GRK4: variants seen among roughly 807,000 people sequenced by gnomAD.
GRK4 encodes the protein G protein-coupled receptor kinase 4.
GRK4 carries 73 observed loss-of-function variants against 77.9 expected under a neutral mutation model. The ratio of observed to expected loss-of-function variants is 0.94; its 90% CI spans 0.78 to 1.14. The LOEUF (loss-of-function observed/expected upper bound fraction) is 1.14, where lower values mean the gene tolerates loss of function less well. Among genes scored for constraint, GRK4 ranks in the 50% most tolerant of loss-of-function variants. The pLI is 0.00. For missense variants in GRK4, 729 were observed against 700.2 expected, an observed-to-expected ratio of 1.04 and a Z score of -0.46; for synonymous variants, 257 against 254.4, an observed-to-expected ratio of 1.01 and a Z score of -0.10.
Position 2,963,716 on chromosome 4 carries a change from G to C in GRK4, c.-355G>C, listed in dbSNP as rs1044988632. ...AAGTGAGCCACGGCATTGACTCGGGGCTGCCCGGGGGCAGGGCACTGAGGA... is the reference window on the plus strand; with the variant it reads ...AAGTGAGCCACGGCATTGACTCGGGCCTGCCCGGGGGCAGGGCACTGAGGA... On this transcript the variant is annotated 5_prime_UTR_variant, in exon 1 of 16. Coordinates refer to ENST00000398052, the MANE Select transcript of GRK4 (RefSeq NM_182982.3). The C allele has an allele frequency of 2.5e-6, 1 of 399,984 alleles. No individual in the cohort carries two copies. The highest frequency in any genetic ancestry group is 2.1e-5 in the African/African-American group (1 of 46,856). The allele number at this position is 399,984 out of a possible 1,614,324, so 24.8% of individuals were successfully genotyped here. A position where few individuals can be genotyped will look rare whatever the true frequency, so the allele number is the denominator to read the frequency against.
At chr4:2,999,167 C>T (rs1328289783) in intron 4 of GRK4, among the ~76,000 whole-genome samples, 8 of 152,134 alleles carry the variant, frequency 5.3e-5, no homozygotes, top group African/African-American at 1.9e-4. Context: ...AGCCGGAAGT[C>T]CAAGGTCAAG....
intron 1 of GRK4, chr4:2,971,023 T>G (rs1365160770): frequency 6.6e-6 from 1 of 152,144 alleles, no homozygotes; most frequent in Non-Finnish European, 1.5e-5. Flanking sequence ...ATAGTTACCT[T>G]AAAGAAAAAT....
At chr4:3,008,976 A>C (rs1732102749) in intron 6 of GRK4, among the ~76,000 whole-genome samples, 1 of 152,068 alleles carries the variant, frequency 6.6e-6, no homozygotes, top group African/African-American at 2.4e-5. Flanking sequence ...CATCTTCTTC[A>C]CCTGCTTTCT....
chr4:3,035,661 T>C (rs1459619751), intron 13 of GRK4, 138 bp downstream of exon 13: 10 of 935,862 alleles, frequency 1.1e-5, no homozygotes, highest in Non-Finnish European at 1.6e-5. Flanking sequence ...TGGCCTCAAG[T>C]GGTCCTCCAC....
rs1387512280 is a variant in GRK4, at chr4:3,007,737, G to A, written c.445G>A (p.Val149Ile). The A allele has an allele frequency of 6.4e-7, 1 of 1,572,244 alleles. No homozygotes were observed. The highest frequency in any genetic ancestry group is 1.4e-5 in the African/African-American group (1 of 72,776). Residue 149 changes from valine to isoleucine, a missense_variant and splice_region_variant, in exon 6 of 16, where the codon GTT (valine) becomes ATT (isoleucine). Physicochemically the swap from Val to Ile is conservative, Grantham distance 29 (BLOSUM62 3). Transcript: ENST00000398052. Reference protein sequence around the residue: ...SKKAFEECTRVAHNYLRGEPF... With the variant: ...SKKAFEECTRIAHNYLRGEPF... Reference sequence around the variant, plus strand: ...TAATTTTAAAAAATCTTTTTCTAGAGTTGCCCATAACTACCTAAGAGGGGA... The same window carrying A: ...TAATTTTAAAAAATCTTTTTCTAGAATTGCCCATAACTACCTAAGAGGGGA...
chr4:3,040,536 C>T (rs780538199), intron 15 of GRK4, 36 bp from the exon 16 acceptor site: 29 of 1,585,832 alleles, frequency 1.8e-5, no homozygotes, highest in Non-Finnish European at 2.4e-5. Context: ...ACCTTCGCAT[C>T]AGCCGTGTGC....
At chr4:2,975,240 T>C (rs1173084361) in intron 1 of GRK4, among the ~76,000 whole-genome samples, 2 of 152,032 alleles carry the variant, frequency 1.3e-5, no homozygotes, top group African/African-American at 4.8e-5. Context: ...GAGGTGGAGA[T>C]TGCAGTGAGC....
chr4:2,968,683 G>C (rs954035440), intron 1 of GRK4, among the ~76,000 whole-genome samples: 2 of 152,132 alleles, frequency 1.3e-5, no homozygotes, highest in East Asian at 3.8e-4. Context: ...TAAGACGTGT[G>C]GCATATTAGC....
rs1365554644 is a variant in GRK4 at position 3,037,510 on chromosome 4, A to G, written c.1544A>G (p.Glu515Gly). The G allele has an allele frequency of 6.2e-7, 1 of 1,601,472 alleles. No homozygotes were observed. The highest frequency in any genetic ancestry group is 8.5e-7 in the Non-Finnish European group (1 of 1,169,968). ...TGCVSIPWQN[E>G]MIESGCFKDI... Reference sequence around the variant, plus strand: ...TGTGTCTCCATCCCCTGGCAGAATGAGGTACTGCCCTTCCAGCACAGCCGC... The same window carrying G: ...TGTGTCTCCATCCCCTGGCAGAATGGGGTACTGCCCTTCCAGCACAGCCGC... The change falls in exon 14 of 16, where the codon GAG becomes GGG. Residue 515 changes from glutamate (E) to glycine (G), a missense_variant and splice_region_variant. Glu to Gly is a moderately conservative substitution (Grantham distance 98). Coordinates refer to ENST00000398052, the MANE Select transcript of GRK4 (RefSeq NM_182982.3).
chr4:3,037,583 CCG>C lies in GRK4; in HGVS notation c.1545+73_1545+74del, dbSNP rs772312646. ...CCCAGGGAAAAGGGTGTGTGTGTGT[CCG>C]TGTGTGTGTGTGTGTCTGTGTGTAT... is the stretch of plus-strand genomic sequence containing the variant. On this transcript the variant is annotated intron_variant, in intron 14 of 15. Transcript: ENST00000398052. The C allele has an allele frequency of 8.6e-3, 10,996 of 1,277,944 alleles. 1 individual carries two copies. Among genetic ancestry groups the C allele is most frequent in the South Asian group, 0.021 (1,311 of 63,454 alleles). 79.2% of individuals were successfully genotyped at this position (1,277,944 alleles called of 1,614,324 possible).
chr4:2,973,586 T>G (rs1720218402), intron 1 of GRK4, among the ~76,000 whole-genome samples: 1 of 152,186 alleles, frequency 6.6e-6, no homozygotes, highest in Non-Finnish European at 1.5e-5. Context: ...GCACTTGACT[T>G]ACTCGCACCC....
At chr4:3,007,648 TA>T in intron 5 of GRK4, 87 bp from the exon 6 acceptor site, 1 of 699,854 alleles carries the variant, frequency 1.4e-6, no homozygotes, top group East Asian at 3.0e-5. Context: ...GGCTTTCCCA[TA>T]TTCAGTGCCT....
chr4:3,037,357 CT>C lies in GRK4; in HGVS notation c.1408-16del. 3 of 1,569,142 alleles carry C rather than the reference CT, an allele frequency of 1.9e-6. No individual in the cohort carries two copies. Among genetic ancestry groups the C allele is most frequent in the Non-Finnish European group, 2.6e-6 (3 of 1,145,434 alleles). ...GCTGTAGTCATCTCAGAGGCTGCCC[CT>C]GTTCTTGCTACACAGCCTCATGCCG... is the stretch of plus-strand genomic sequence containing the variant. On this transcript the variant is annotated splice_polypyrimidine_tract_variant and intron_variant, in intron 13 of 15. Transcript: ENST00000398052.
At chr4:2,982,723 A>G (rs1335731271) in intron 1 of GRK4, among the ~76,000 whole-genome samples, 1 of 152,220 alleles carries the variant, frequency 6.6e-6, no homozygotes, top group Non-Finnish European at 1.5e-5. Flanking sequence ...CCTGAAAAAA[A>G]TAACCCATAA....
intron 14 of GRK4, among the ~76,000 whole-genome samples, chr4:3,037,744 G>A (rs1741189903): frequency 6.6e-6 from 1 of 151,952 alleles, no homozygotes; most frequent in Non-Finnish European, 1.5e-5. Flanking sequence ...GTGAAACCCT[G>A]TCTCTACTAA....
At chr4:2,997,015 T>C (rs1456937325) in intron 4 of GRK4, among the ~76,000 whole-genome samples, 1 of 151,838 alleles carries the variant, frequency 6.6e-6, no homozygotes, top group Non-Finnish European at 1.5e-5. Flanking sequence ...ATGCCAGGAG[T>C]TGAAAAAAGA....
intron 1 of GRK4, among the ~76,000 whole-genome samples, chr4:2,979,403 CAAAAAAAAAAA>C (rs144374548): frequency 1.7e-5 from 1 of 59,194 alleles, no homozygotes; most frequent in Non-Finnish European, 3.1e-5. Flanking sequence ...GACTCTGTCT[CAAAAAAAAAAA>C]AAAAAAAAAA....
chr4:3,000,544 TTTTTCTTTTC>T (rs755931695), intron 4 of GRK4, among the ~76,000 whole-genome samples: 1,431 of 130,444 alleles, frequency 0.011, 17 homozygotes, highest in South Asian at 0.012. Context: ...TTTTCTTTCT[TTTTTCTTTTC>T]TTTTCTTTTC....
At chr4:2,965,287 A>C (rs1414689114) in intron 1 of GRK4, 1 of 702,880 alleles carries the variant, frequency 1.4e-6, no homozygotes, top group East Asian at 2.7e-5. Context: ...CCAGCCCTTC[A>C]GCGGGAGACC....
Sources: allele counts gnomAD v4.1 joint callset (sites outside exome capture counted in the v4.1 genomes callset), GRCh38; gene constraint gnomAD v4.1.1; transcripts MANE v1.5; gene names NCBI Gene and HGNC (gene_info 2026-07-23, HGNC 2026-07-21).